Variants in PLEKHM3 observed in about 807,000 individuals in gnomAD.
The protein encoded by PLEKHM3 is pleckstrin homology domain containing M3.
Under a neutral mutation model 81.8 loss-of-function variants are expected in PLEKHM3, and 45 were observed. That is an observed-to-expected ratio of 0.55 (90% CI 0.43 to 0.71). The LOEUF (loss-of-function observed/expected upper bound fraction) is 0.71. PLEKHM3 is among the 30% of genes least tolerant of loss of function. PLEKHM3 has a pLI of 0.00. For missense variants in PLEKHM3, 788 were observed against 924.3 expected, an observed-to-expected ratio of 0.85 and a Z score of 1.91; for synonymous variants, 352 against 356.4, an observed-to-expected ratio of 0.99 and a Z score of 0.14.
intron 1 of PLEKHM3, among the ~76,000 whole-genome samples, chr2:208,023,044 C>A (rs915087909): frequency 3.9e-5 from 6 of 152,120 alleles, no homozygotes; most frequent in African/African-American, 1.4e-4. Flanking sequence ...ATGAATGGGG[C>A]TGCAGCATGC....
chr2:207,924,113 G>A (rs554365341), intron 5 of PLEKHM3, among the ~76,000 whole-genome samples: 125 of 150,536 alleles, frequency 8.3e-4, no homozygotes, highest in Non-Finnish European at 1.5e-3. Context: ...CCATGTTGGC[G>A]AGGCTGGTCT....
At chr2:207,954,391 T>C (rs1246175066) in intron 3 of PLEKHM3, among the ~76,000 whole-genome samples, 1 of 152,158 alleles carries the variant, frequency 6.6e-6, no homozygotes, top group Non-Finnish European at 1.5e-5. Flanking sequence ...TGGCAAATAT[T>C]ATGTTTGTAA....
chr2:208,002,065 A>C, intron 1 of PLEKHM3, 108 bp from the exon 2 acceptor site: 1 of 175,260 alleles, frequency 5.7e-6, no homozygotes, highest in Non-Finnish European at 1.2e-5. Flanking sequence ...ATGGTACTCA[A>C]GCACAAAGGC....
chr2:207,842,983 A>C (rs944320745), intron 7 of PLEKHM3, among the ~76,000 whole-genome samples: 2 of 152,074 alleles, frequency 1.3e-5, no homozygotes, highest in African/African-American at 4.8e-5. Context: ...GTCTCATTCC[A>C]TCACCCAGGC....
At chr2:208,019,533 T>C (rs1693051651) in intron 1 of PLEKHM3, 2 of 152,364 alleles carry the variant, frequency 1.3e-5, no homozygotes, top group East Asian at 1.9e-4. Flanking sequence ...TGGCCTCTTA[T>C]ATGCTCCCAT....
At chr2:208,025,325 A>G (rs896636) in intron 1 of PLEKHM3, 64 bp downstream of exon 1, 3 of 152,206 alleles carry the variant, frequency 2.0e-5, no homozygotes, top group African/African-American at 2.4e-5. Context: ...TTTACAATGC[A>G]GTCGTCCCCA....
At chr2:207,855,223 C>T (rs1397912037) in intron 7 of PLEKHM3, among the ~76,000 whole-genome samples, 1 of 152,016 alleles carries the variant, frequency 6.6e-6, no homozygotes, top group African/African-American at 2.4e-5. Flanking sequence ...CCAAACCAAA[C>T]CAAACCAAAA....
Position 207,943,785 on chromosome 2 carries a change from G to A in PLEKHM3, c.1692+2582C>T, listed in dbSNP as rs1375284816. ...TGGGAGGCTGAGGCAGGAGAATGGCGTGAACCCGGGAGGCGCAGCTTGCAG... is the reference window on the plus strand; with the variant it reads ...TGGGAGGCTGAGGCAGGAGAATGGCATGAACCCGGGAGGCGCAGCTTGCAG... On this transcript the variant is annotated intron_variant, in intron 4 of 7. Coordinates refer to ENST00000427836, the MANE Select transcript of PLEKHM3 (RefSeq NM_001080475.3). Among the ~76,000 whole-genome samples the A allele has an allele frequency of 1.1e-4, 16 of 147,908 alleles. No homozygotes were observed. In the South Asian group the frequency reaches 2.2e-3, roughly 20 times the overall value.
At chr2:207,961,918 C>T (rs192156724) in intron 3 of PLEKHM3, among the ~76,000 whole-genome samples, 23 of 152,330 alleles carry the variant, frequency 1.5e-4, no homozygotes, top group African/African-American at 4.3e-4. Flanking sequence ...CATTCATCCT[C>T]CTTTCATCCA....
At chr2:208,016,696 C>CACACACACACACACACACACA (rs368432659) in intron 1 of PLEKHM3, among the ~76,000 whole-genome samples, 15 of 148,376 alleles carry the variant, frequency 1.0e-4, no homozygotes, top group South Asian at 2.1e-4. Context: ...CACACACACA[C>CACACACACACACACACACACA]CCTGGTTTCA....
chr2:208,007,470 A>C (rs1479836857), intron 1 of PLEKHM3, among the ~76,000 whole-genome samples: 1 of 152,254 alleles, frequency 6.6e-6, no homozygotes, highest in African/African-American at 2.4e-5. Context: ...CCTCATAAAA[A>C]GAGCTCAGAG....
In PLEKHM3 at chr2:207,996,337, G is replaced by A. The variant is rs535913396; in HGVS notation, c.610+4693C>T. On this transcript the variant is annotated intron_variant, in intron 2 of 7. Transcript: ENST00000427836. ...TGCAAATGCCAAATGGTGATGTGAA[G>A]GTGGAGAAAGGGAGGATGTCAGAAA... Among the ~76,000 whole-genome samples the A allele has an allele frequency of 3.3e-5, 5 of 152,254 alleles. No individual in the cohort carries two copies. The East Asian group carries it at 9.7e-4, about 29-fold the overall frequency.
In PLEKHM3 at chr2:207,824,964, G is replaced by T. The variant is rs1288715936; in HGVS notation, c.*3355C>A. The T allele has an allele frequency of 6.6e-6, 1 of 152,162 alleles. No homozygotes were observed. Among genetic ancestry groups the T allele is most frequent in the African/African-American group, 2.4e-5 (1 of 41,442 alleles). 9.4% of individuals were successfully genotyped at this position (152,162 alleles called of 1,614,324 possible). A position where few individuals can be genotyped will look rare whatever the true frequency, so the allele number is the denominator to read the frequency against. On this transcript the variant is annotated 3_prime_UTR_variant, in exon 8 of 8. Coordinates refer to ENST00000427836, the MANE Select transcript of PLEKHM3 (RefSeq NM_001080475.3). ...AACCGATGACCCTCTCAGCGAATCC[G>T]ATGTTAAAGCTCCTAACTAGGTGAC...
chr2:207,977,026 C>A lies in PLEKHM3; in HGVS notation c.1171G>T (p.Ala391Ser), dbSNP rs1023101767. The change falls in exon 3 of 8, where the codon GCT (alanine) becomes TCT (serine). Residue 391 changes from alanine (A) to serine (S), a missense_variant. Transcript: ENST00000427836. The stretch of plus-strand genomic sequence containing the variant: ...TCGTCTAGCTTGCCAGGCTGAAAAG[C>A]CATAAGGTAAGCCCTGCTCAGCACA... ...TFVLSRAYLM[A>S]FQPGKLDEDP... The A allele has an allele frequency of 6.2e-6, 10 of 1,614,058 alleles. No homozygotes were observed. The highest frequency in any genetic ancestry group is 8.5e-6 in the Non-Finnish European group (10 of 1,180,028).
intron 5 of PLEKHM3, among the ~76,000 whole-genome samples, chr2:207,924,482 CAAGACCAGCCTGGCCAACATG>C: frequency 6.6e-6 from 1 of 151,940 alleles, no homozygotes; most frequent in South Asian, 2.1e-4. Flanking sequence ...GTCAGGAGTT[CAAGACCAGCCTGGCCAACATG>C]GTGAAACCTG....
intron 5 of PLEKHM3, among the ~76,000 whole-genome samples, chr2:207,912,520 A>T (rs1688840797): frequency 6.6e-6 from 1 of 152,182 alleles, no homozygotes; most frequent in Non-Finnish European, 1.5e-5. Flanking sequence ...GAACTGGAGA[A>T]GATGTTGTGT....
intron 6 of PLEKHM3, among the ~76,000 whole-genome samples, chr2:207,873,714 GA>G (rs1321250916): frequency 6.6e-6 from 1 of 152,192 alleles, no homozygotes; most frequent in Admixed American, 6.6e-5. Context: ...CAGTTTTCCT[GA>G]AAACCTCTAC....
chr2:207,826,949 A>G lies in PLEKHM3; in HGVS notation c.*1370T>C, dbSNP rs2092254625. The G allele has an allele frequency of 6.6e-6, 1 of 152,328 alleles. No homozygotes were observed. Among genetic ancestry groups the G allele is most frequent in the South Asian group, 2.1e-4 (1 of 4,826 alleles). The allele number at this position is 152,328 out of a possible 1,614,324, so 9.4% of individuals were successfully genotyped here. On this transcript the variant is annotated 3_prime_UTR_variant, in exon 8 of 8. Transcript: ENST00000427836. The stretch of plus-strand genomic sequence containing the variant: ...CTGTCCTACCTGCCGTTTTGGTCAC[A>G]GTGACTGCCACGTGCTCTTCCAAGG...
At chr2:208,002,917 A>C (rs1170479930) in intron 1 of PLEKHM3, among the ~76,000 whole-genome samples, 16 of 152,088 alleles carry the variant, frequency 1.1e-4, no homozygotes, top group African/African-American at 3.4e-4. Context: ...GGAAAAAAAA[A>C]AAAACAAATA....
Sources: allele counts gnomAD v4.1 joint callset (sites outside exome capture counted in the v4.1 genomes callset), GRCh38; gene constraint gnomAD v4.1.1; transcripts MANE v1.5; gene names NCBI Gene and HGNC (gene_info 2026-07-23, HGNC 2026-07-21).